Variants in GSE1 observed in about 807,000 individuals in gnomAD.
The protein encoded by GSE1 is Gse1 coiled-coil protein.
A neutral mutation model predicts 112.6 loss-of-function variants in GSE1; 32 were observed. That is an observed-to-expected ratio of 0.28 (90% confidence interval 0.21 to 0.38). The LOEUF (loss-of-function observed/expected upper bound fraction) is 0.38. Ranked by LOEUF, GSE1 falls within the 10% of genes least tolerant of loss-of-function variation. GSE1 has a pLI of 1.00. For synonymous variants in GSE1, 1,115 were observed against 735.6 expected (o/e 1.52, Z -8.35); for missense variants, 2,348 against 1,699.2 (o/e 1.38, Z -6.71).
At chr16:85,177,183 A>T (rs943400881) in intron 1 of GSE1, among the ~76,000 whole-genome samples, 5 of 152,194 alleles carry the variant, frequency 3.3e-5, no homozygotes, top group Non-Finnish European at 5.9e-5. Context: ...CAGGAGGGGG[A>T]AGGGGTGAGG....
intron 1 of GSE1, among the ~76,000 whole-genome samples, chr16:85,318,231 G>A (rs2046026422): frequency 1.3e-5 from 2 of 152,214 alleles, no homozygotes; most frequent in African/African-American, 4.8e-5. Context: ...TGGAAGATGA[G>A]TAACTCGGTC....
intron 2 of GSE1, among the ~76,000 whole-genome samples, chr16:85,529,125 C>T (rs555563475): frequency 1.3e-5 from 2 of 151,840 alleles, no homozygotes; most frequent in African/African-American, 2.4e-5. Context: ...CCAGGGGGGT[C>T]GGACCGGGTT....
chr16:85,631,470 G>T (rs999685838), intron 1 of GSE1, among the ~76,000 whole-genome samples: 7 of 152,252 alleles, frequency 4.6e-5, no homozygotes, highest in Non-Finnish European at 1.0e-4. Flanking sequence ...GTGCCTGCCA[G>T]CTTGACACCA....
chr16:85,246,199 CT>C (rs1905649335), intron 1 of GSE1, among the ~76,000 whole-genome samples: 1 of 79,668 alleles, frequency 1.3e-5, no homozygotes, highest in Admixed American at 1.5e-4. Context: ...TTCAGGGACC[CT>C]ACACACACAC....
intron 1 of GSE1, among the ~76,000 whole-genome samples, chr16:85,223,415 C>G (rs1168823968): frequency 6.7e-6 from 1 of 149,502 alleles, no homozygotes; most frequent in Non-Finnish European, 1.5e-5. Context: ...CCCAGCTAAT[C>G]GGGAGGCTGA....
chr16:85,436,002 C>T (rs1463051673), intron 2 of GSE1, among the ~76,000 whole-genome samples: 1 of 152,116 alleles, frequency 6.6e-6, no homozygotes, highest in Non-Finnish European at 1.5e-5. Context: ...GTGTGGTTGG[C>T]GTGGGTCTGC....
At position 85,663,398 on chromosome 16, in the gene GSE1, T is replaced by G; in HGVS notation, c.2428T>G (p.Leu810Val). 6.2e-7 allele frequency: 1 copy of G among 1,613,872 alleles called. No individual in the cohort carries two copies. The highest frequency in any genetic ancestry group is 1.7e-5 in the Admixed American group (1 of 60,022). Residue 810 changes from leucine to valine, a missense_variant, in exon 11 of 16, where the codon TTG becomes GTG. Physicochemically the swap from Leu to Val is conservative, Grantham distance 32. Coordinates refer to ENST00000253458, the MANE Select transcript of GSE1 (RefSeq NM_014615.5). ...GACCACCCAACAGCAGAAGGAGGAA[T>G]TGGTGGCCCAGAAGCGGAGGAAGCG... Reference protein sequence around the residue: ...GLTTQQQKEELVAQKRRKRRR... With the variant: ...GLTTQQQKEEVVAQKRRKRRR...
intron 2 of GSE1, among the ~76,000 whole-genome samples, chr16:85,474,384 G>C (rs979281516): frequency 2.2e-4 from 33 of 152,294 alleles, no homozygotes; most frequent in African/African-American, 7.9e-4. Flanking sequence ...CTGTTGCTGG[G>C]AGCCAGAGGA....
In GSE1 at chr16:85,654,903, C is replaced by T. The variant is rs2051782388; in HGVS notation, c.709C>T (p.Pro237Ser). The T allele has an allele frequency of 6.2e-7, 1 of 1,611,766 alleles. No individual in the cohort carries two copies. The highest frequency in any genetic ancestry group is 8.5e-7 in the Non-Finnish European group (1 of 1,179,472). ...TTDDLRMSSL[P>S]PLGLDPATAA... ...CGACGACCTCCGCATGTCCTCACTGCCTCCCCTCGGCCTGGACCCGGCCAC... is the reference window on the plus strand; with the variant it reads ...CGACGACCTCCGCATGTCCTCACTGTCTCCCCTCGGCCTGGACCCGGCCAC... Residue 237 changes from proline to serine, a missense_variant, in exon 5 of 16, where the codon CCT becomes TCT. Coordinates refer to ENST00000253458, the MANE Select transcript of GSE1 (RefSeq NM_014615.5).
At chr16:85,652,300 G>A (rs1301574458) in intron 3 of GSE1, among the ~76,000 whole-genome samples, 1 of 152,204 alleles carries the variant, frequency 6.6e-6, no homozygotes, top group East Asian at 1.9e-4. Flanking sequence ...TTGGCCCCTC[G>A]GCCACTCCCC....
chr16:85,172,631 A>G (rs962031920), intron 1 of GSE1, among the ~76,000 whole-genome samples: 1 of 152,226 alleles, frequency 6.6e-6, no homozygotes, highest in African/African-American at 2.4e-5. Flanking sequence ...GCAGTCACCA[A>G]CCCGGCCACC....
chr16:85,266,255 GTCCTC>G, intron 1 of GSE1, among the ~76,000 whole-genome samples: 1 of 152,280 alleles, frequency 6.6e-6, no homozygotes, highest in African/African-American at 2.4e-5. Context: ...CTGGGCATGC[GTCCTC>G]TCTCTCTAGG....
intron 6 of GSE1, 68 bp from the exon 7 acceptor site, chr16:85,656,275 G>A: frequency 1.9e-6 from 3 of 1,569,876 alleles, no homozygotes; most frequent in Admixed American, 1.8e-5. Context: ...TGCTTTTTAA[G>A]GGCCTGCCCC....
intron 2 of GSE1, among the ~76,000 whole-genome samples, chr16:85,395,815 G>A (rs1243911610): frequency 7.2e-6 from 1 of 138,358 alleles, no homozygotes; most frequent in Non-Finnish European, 1.6e-5. Flanking sequence ...CCCTCCCCAG[G>A]CTCTGCCCTG....
intron 2 of GSE1, among the ~76,000 whole-genome samples, chr16:85,449,360 G>A (rs1009027320): frequency 6.6e-6 from 1 of 152,226 alleles, no homozygotes; most frequent in Non-Finnish European, 1.5e-5. Context: ...GGGATGGCTG[G>A]GAAACCTCAG....
chr16:85,185,715 G>A (rs1255027556), intron 1 of GSE1, among the ~76,000 whole-genome samples: 1 of 152,238 alleles, frequency 6.6e-6, no homozygotes, highest in Non-Finnish European at 1.5e-5. Context: ...GCTTTTGGGA[G>A]CCCCAGCCAA....
At chr16:85,591,961 T>TG (rs2047019891) in intron 1 of GSE1, among the ~76,000 whole-genome samples, 1 of 152,182 alleles carries the variant, frequency 6.6e-6, no homozygotes, top group African/African-American at 2.4e-5. Flanking sequence ...AGAATGTGGC[T>TG]GGAGCAATGA....
intron 1 of GSE1, among the ~76,000 whole-genome samples, chr16:85,208,983 TTGTTGGGGTTCGCCTG>T (rs1454801173): frequency 2.1e-5 from 3 of 145,464 alleles, no homozygotes; most frequent in Non-Finnish European, 4.5e-5. Flanking sequence ...GGTTTGCCAC[TTGTTGGGGTTCGCCTG>T]TGTTGGGGTT....
chr16:85,275,057 G>A (rs1056515489), intron 1 of GSE1, among the ~76,000 whole-genome samples: 11 of 152,226 alleles, frequency 7.2e-5, no homozygotes, highest in Non-Finnish European at 1.5e-4. Flanking sequence ...GGTGTGAGGG[G>A]CCATATGCTG....
Sources: allele counts gnomAD v4.1 joint callset (sites outside exome capture counted in the v4.1 genomes callset), GRCh38; gene constraint gnomAD v4.1.1; transcripts MANE v1.5; gene names NCBI Gene and HGNC (gene_info 2026-07-23, HGNC 2026-07-21).